The following PDE4D variants were observed in gnomAD, a reference collection of about 807,000 sequenced individuals.
PDE4D encodes the protein phosphodiesterase 4D, also known as 3',5'-cyclic-AMP phosphodiesterase 4D.
Under a neutral mutation model 87.4 loss-of-function variants are expected in PDE4D, and 24 were observed. The ratio of observed to expected loss-of-function variants is 0.27; its 90% CI spans 0.20 to 0.39. PDE4D has a LOEUF of 0.39. PDE4D is among the 10% of genes least tolerant of loss of function. PDE4D has a pLI of 1.00. For synonymous variants in PDE4D, 384 were observed against 383.2 expected (o/e 1.00, Z -0.02); for missense variants, 714 against 1,041.0 (o/e 0.69, Z 4.32).
chr5:59,549,101 C>T (rs1466123959), intron 1 of PDE4D, among the ~76,000 whole-genome samples: 1 of 152,096 alleles, frequency 6.6e-6, no homozygotes, highest in African/African-American at 2.4e-5. Context: ...AAATAAATAG[C>T]AATAATTGGC....
At chr5:59,870,187 T>C (rs988131547) in intron 1 of PDE4D, among the ~76,000 whole-genome samples, 2 of 152,360 alleles carry the variant, frequency 1.3e-5, no homozygotes, top group East Asian at 3.9e-4. Context: ...GAGCAAATTA[T>C]TTAATAAATT....
At chr5:59,738,646 G>A (rs1298175476) in intron 1 of PDE4D, among the ~76,000 whole-genome samples, 2 of 151,774 alleles carry the variant, frequency 1.3e-5, no homozygotes, top group African/African-American at 4.8e-5. Context: ...ACTCTTTGAT[G>A]CATAAATGGC....
At chr5:60,049,099 A>G (rs369623038) in intron 2 of PDE4D, among the ~76,000 whole-genome samples, 2 of 151,492 alleles carry the variant, frequency 1.3e-5, no homozygotes, top group East Asian at 3.9e-4. Flanking sequence ...TTCCCTTCTC[A>G]CTTCATTTCA....
intron 2 of PDE4D, among the ~76,000 whole-genome samples, chr5:60,107,705 T>C (rs1045829449): frequency 9.9e-5 from 15 of 152,170 alleles, no homozygotes; most frequent in African/African-American, 3.4e-4. Context: ...TGGTTCAATA[T>C]ACACAAATCA....
chr5:59,282,643 C>CAAAAA (rs60262509), intron 1 of PDE4D, among the ~76,000 whole-genome samples: 94 of 38,756 alleles, frequency 2.4e-3, no homozygotes, highest in Middle Eastern at 0.017. Flanking sequence ...AACTCCAGCT[C>CAAAAA]AAAAAAAAAA....
Position 60,054,841 on chromosome 5 carries a change from AC to A in PDE4D, c.43-66125del, listed in dbSNP as rs796541291. ...AAAACAAACTAATAAACAAAACCAG[AC>A]CAAAACTGTGGGAAGAAGAAAGCAG... On this transcript the variant is annotated intron_variant, in intron 2 of 16. Coordinates refer to the PDE4D transcript ENST00000502484. Among the ~76,000 whole-genome samples the A allele has an allele frequency of 5.3e-5, 8 of 152,250 alleles. No individual in the cohort carries two copies. The East Asian group carries it at 1.4e-3, about 26-fold the overall frequency.
chr5:59,737,880 ATTAT>A (rs1196828865), intron 1 of PDE4D, among the ~76,000 whole-genome samples: 1 of 152,108 alleles, frequency 6.6e-6, no homozygotes, highest in African/African-American at 2.4e-5. Context: ...GAATCAAAAT[ATTAT>A]TTGTCTTTTG....
chr5:59,413,933 TAC>T (rs796188614), intron 1 of PDE4D, among the ~76,000 whole-genome samples: 2 of 152,124 alleles, frequency 1.3e-5, no homozygotes, highest in Admixed American at 6.5e-5. Context: ...AATATACACA[TAC>T]ACACACACAT....
At chr5:59,880,632 T>C (rs1429538357) in intron 1 of PDE4D, among the ~76,000 whole-genome samples, 3 of 152,218 alleles carry the variant, frequency 2.0e-5, no homozygotes, top group African/African-American at 7.2e-5. Context: ...GCATTTTTGA[T>C]ATGTGACATC....
At chr5:60,309,075 A>G (rs1754764976) in intron 1 of PDE4D, among the ~76,000 whole-genome samples, 1 of 150,888 alleles carries the variant, frequency 6.6e-6, no homozygotes, top group African/African-American at 2.4e-5. Context: ...TGTTTAGTTT[A>G]CTCTGAGTTC....
At chr5:60,135,555 G>A (rs546408716) in intron 2 of PDE4D, among the ~76,000 whole-genome samples, 1 of 152,256 alleles carries the variant, frequency 6.6e-6, no homozygotes, top group East Asian at 1.9e-4. Flanking sequence ...GTAACAGGAA[G>A]GGTAAAAAAA....
intron 1 of PDE4D, among the ~76,000 whole-genome samples, chr5:60,382,876 T>C (rs1220250312): frequency 6.6e-6 from 1 of 152,174 alleles, no homozygotes; most frequent in African/African-American, 2.4e-5. Flanking sequence ...CCTGCTACAC[T>C]TCCTTCAATG....
chr5:59,426,604 ACCCTGC>A (rs1795258570), intron 1 of PDE4D, among the ~76,000 whole-genome samples: 1 of 151,714 alleles, frequency 6.6e-6, no homozygotes, highest in East Asian at 1.9e-4. Flanking sequence ...CTACCACCCC[ACCCTGC>A]CCCGACAGTA....
chr5:59,524,153 T>G (rs947855136), intron 1 of PDE4D, among the ~76,000 whole-genome samples: 11 of 152,160 alleles, frequency 7.2e-5, no homozygotes, highest in African/African-American at 2.7e-4. Context: ...AGGCAGAGGT[T>G]GGAACAGTTT....
intron 1 of PDE4D, among the ~76,000 whole-genome samples, chr5:59,702,806 G>A (rs546144516): frequency 7.0e-6 from 1 of 142,872 alleles, no homozygotes; most frequent in Non-Finnish European, 1.5e-5. Context: ...AGAGGTCAAG[G>A]TTGCAGTGAG....
rs373750440 is a variant in PDE4D, at chr5:60,342,103, T to G, written c.-90+145839A>C. Among the ~76,000 whole-genome samples, 63 of 152,364 alleles carry G rather than the reference T, an allele frequency of 4.1e-4. 1 individual carries two copies. Among genetic ancestry groups the G allele is most frequent in the African/African-American group, 1.5e-3 (62 of 41,594 alleles). ...GTGACACAGGACATGGTCAGAACTC[T>G]GTGATCATGGAAGACAGAGAAGAAT... On this transcript the variant is annotated intron_variant, in intron 1 of 16. Coordinates refer to the PDE4D transcript ENST00000502484.
At chr5:59,004,350 C>T (rs1751146667) in intron 6 of PDE4D, among the ~76,000 whole-genome samples, 1 of 152,126 alleles carries the variant, frequency 6.6e-6, no homozygotes, top group African/African-American at 2.4e-5. Flanking sequence ...ATAGTTTCTA[C>T]CTTACAGGGT....
At chr5:59,749,507 G>A (rs1440900604) in intron 1 of PDE4D, among the ~76,000 whole-genome samples, 4 of 152,008 alleles carry the variant, frequency 2.6e-5, no homozygotes, top group African/African-American at 4.8e-5. Flanking sequence ...CAGGGGATCC[G>A]CCCAAAGTGC....
At chr5:60,337,760 C>T (rs1229084226) in intron 1 of PDE4D, among the ~76,000 whole-genome samples, 5 of 151,788 alleles carry the variant, frequency 3.3e-5, no homozygotes, top group Admixed American at 3.3e-4. Flanking sequence ...TTTCATTCTC[C>T]ATAGGTTCAC....
Sources: gnomAD v4.1 joint callset for allele counts (sites outside exome capture counted in the v4.1 genomes callset) on GRCh38, gnomAD v4.1.1 for gene constraint, MANE v1.5 for transcripts, NCBI Gene and HGNC (gene_info 2026-07-23, HGNC 2026-07-21) for gene names.